The following CACNA2D2 variants were observed in gnomAD, a reference collection of about 807,000 sequenced individuals.
The protein encoded by CACNA2D2 is calcium voltage-gated channel auxiliary subunit alpha2delta 2, also known as voltage-dependent calcium channel subunit alpha-2/delta-2.
Under a neutral mutation model 166.4 loss-of-function variants are expected in CACNA2D2, and 48 were observed. The observed-to-expected ratio is 0.29, with a 90% CI of 0.23 to 0.37. CACNA2D2 has a LOEUF of 0.37. Among genes scored for constraint, CACNA2D2 ranks in the 10% least tolerant of loss-of-function variants. CACNA2D2 has a pLI of 1.00. For missense variants in CACNA2D2, 1,122 were observed against 1,433.0 expected, an observed-to-expected ratio of 0.78 and a Z score of 3.50; for synonymous variants, 561 against 573.7, an observed-to-expected ratio of 0.98 and a Z score of 0.32.
chr3:50,447,197 G>A (rs940979555), intron 2 of CACNA2D2, among the ~76,000 whole-genome samples: 4 of 152,174 alleles, frequency 2.6e-5, no homozygotes, highest in Admixed American at 1.3e-4. Flanking sequence ...GACCCTCACC[G>A]GGAACTCACT....
chr3:50,434,432 G>A lies in CACNA2D2; in HGVS notation c.289-3C>T. ...AGGTTCCGGTTGTCCTTGTAAATCT[G>A]GAAGGAAGCAGAAGCCAGGGGTGAG... On this transcript the variant is annotated splice_region_variant and splice_polypyrimidine_tract_variant and intron_variant, in intron 2 of 37. Transcript: ENST00000424201. The A allele has an allele frequency of 6.2e-7, 1 of 1,611,964 alleles. No homozygotes were observed. Among genetic ancestry groups the A allele is most frequent in the Non-Finnish European group, 8.5e-7 (1 of 1,177,994 alleles).
At chr3:50,481,640 C>G (rs2107117783) in intron 1 of CACNA2D2, among the ~76,000 whole-genome samples, 1 of 152,304 alleles carries the variant, frequency 6.6e-6, no homozygotes, top group East Asian at 1.9e-4. Context: ...CCCCACGTCT[C>G]TTGCTTCTCT....
At chr3:50,413,188 G>C (rs1285167361) in intron 3 of CACNA2D2, among the ~76,000 whole-genome samples, 1 of 152,060 alleles carries the variant, frequency 6.6e-6, no homozygotes, top group African/African-American at 2.4e-5. Flanking sequence ...GGGGGTGGTG[G>C]TGGAGCATGA....
chr3:50,367,403 G>A lies in CACNA2D2; in HGVS notation c.2392C>T (p.His798Tyr). 1.2e-6 allele frequency: 2 copies of A among 1,613,712 alleles called. No individual in the cohort carries two copies. Among genetic ancestry groups the A allele is most frequent in the Non-Finnish European group, 8.5e-7 (1 of 1,179,910 alleles). ...DNHGYVFKPP[H>Y]QDALLRPLEL... ...CTGCGGGGACACTCACCATCCTGGT[G>A]TGGGGGCTTGAAGACATAACCGTGG... is the stretch of plus-strand genomic sequence containing the variant. The change falls in exon 27 of 38, where the codon CAC becomes TAC. Residue 798 changes from histidine (H) to tyrosine (Y), a missense_variant. This residue lies in a region of CACNA2D2 where 840 missense variants were observed against 1,166.8 expected (regional missense o/e 0.72). Coordinates refer to ENST00000424201, the MANE Select transcript of CACNA2D2 (RefSeq NM_006030.4). This position sits in a 1 kb window ranked among gnomAD's most constrained non-coding sequence, Gnocchi z 6.5.
At chr3:50,396,653 C>G (rs568246503) in intron 3 of CACNA2D2, among the ~76,000 whole-genome samples, 1 of 152,158 alleles carries the variant, frequency 6.6e-6, no homozygotes, top group African/African-American at 2.4e-5. Flanking sequence ...CAGTGTTAGG[C>G]GAGCACCTGC....
At chr3:50,495,036 C>T (rs1007835714) in intron 1 of CACNA2D2, among the ~76,000 whole-genome samples, 3 of 152,194 alleles carry the variant, frequency 2.0e-5, no homozygotes, top group Non-Finnish European at 2.9e-5. Flanking sequence ...CATAGGGAGT[C>T]GCCCTCCCCG....
intron 2 of CACNA2D2, among the ~76,000 whole-genome samples, chr3:50,463,171 C>T (rs2107019594): frequency 6.6e-6 from 1 of 152,286 alleles, no homozygotes; most frequent in South Asian, 2.1e-4. Flanking sequence ...GGTCAGGGGT[C>T]CCACCCCAAC....
chr3:50,380,617 G>T lies in CACNA2D2; in HGVS notation c.842+131C>A. 2.7e-6 allele frequency: 2 copies of T among 731,954 alleles called. No individual in the cohort carries two copies. Among genetic ancestry groups the T allele is most frequent in the Non-Finnish European group, 4.4e-6 (2 of 459,066 alleles). The allele number at this position is 731,954 out of a possible 1,614,324, so 45.3% of individuals were successfully genotyped here. A position where few individuals can be genotyped will look rare whatever the true frequency, so the allele number is the denominator to read the frequency against. On this transcript the variant is annotated intron_variant, in intron 8 of 37. Coordinates refer to ENST00000424201, the MANE Select transcript of CACNA2D2 (RefSeq NM_006030.4). The surrounding 1 kb of genome is among the most constrained non-coding windows in gnomAD (Gnocchi z 4.9). ...GGATCCATTTTCCAGTGGCAACCAT[G>T]TGTGAAATGAAAATTGGATACAGCT...
chr3:50,478,081 A>T (rs1697876031), intron 1 of CACNA2D2, among the ~76,000 whole-genome samples: 1 of 151,564 alleles, frequency 6.6e-6, no homozygotes, highest in African/African-American at 2.4e-5. Context: ...CAAAAGAAAG[A>T]GGTATTAGCT....
rs746954450 is a variant in CACNA2D2, at chr3:50,366,179, G to A, written c.2710-16C>T. ...ACCTGCCCACCTGAGGATGTCAGGA[G>A]AAAGCCATGGTCACAGGGCTGGCAG... On this transcript the variant is annotated splice_polypyrimidine_tract_variant and intron_variant, in intron 31 of 37. Coordinates refer to ENST00000424201, the MANE Select transcript of CACNA2D2 (RefSeq NM_006030.4). This position sits in a 1 kb window ranked among gnomAD's most constrained non-coding sequence, Gnocchi z 5.9. 1.2e-5 allele frequency: 19 copies of A among 1,613,974 alleles called. No homozygotes were observed. Among genetic ancestry groups the A allele is most frequent in the Non-Finnish European group, 1.5e-5 (18 of 1,179,958 alleles).
rs1705219967 is a variant in CACNA2D2 at position 50,380,022 on chromosome 3, C to T, written c.843-4G>A. ...TGACGAGGCCCCCTGGATATACCTG[C>T]CCAGGAGATGCCTCTGTTAGGGTAA... On this transcript the variant is annotated splice_region_variant and splice_polypyrimidine_tract_variant and intron_variant, in intron 8 of 37. Coordinates refer to ENST00000424201, the MANE Select transcript of CACNA2D2 (RefSeq NM_006030.4). This position sits in a 1 kb window ranked among gnomAD's most constrained non-coding sequence, Gnocchi z 4.9. 6.2e-7 allele frequency: 1 copy of T among 1,614,010 alleles called. No homozygotes were observed. The highest frequency in any genetic ancestry group is 2.2e-5 in the East Asian group (1 of 44,884).
Position 50,473,851 on chromosome 3 carries a change from G to A in CACNA2D2, c.288+2267C>T, listed in dbSNP as rs747217534. 1.1e-3 allele frequency among the ~76,000 whole-genome samples: 160 copies of A among 152,216 alleles called. 1 individual carries two copies. Among genetic ancestry groups the A allele is most frequent in the Non-Finnish European group, 1.8e-3 (122 of 68,048 alleles). On this transcript the variant is annotated intron_variant, in intron 2 of 37. Coordinates refer to ENST00000424201, the MANE Select transcript of CACNA2D2 (RefSeq NM_006030.4). The stretch of plus-strand genomic sequence containing the variant: ...ACAGCCCCAGAGCTGTTGGCAGGAA[G>A]TAAGAGGCTGAAGAAGCAGAGGAGG...
intron 3 of CACNA2D2, among the ~76,000 whole-genome samples, chr3:50,403,006 C>T (rs1337043851): frequency 6.6e-6 from 1 of 152,010 alleles, no homozygotes; most frequent in Non-Finnish European, 1.5e-5. Flanking sequence ...TGTGTGGGCA[C>T]GGGGGTGGTC....
chr3:50,451,070 C>A (rs1017306657), intron 2 of CACNA2D2, among the ~76,000 whole-genome samples: 37 of 152,304 alleles, frequency 2.4e-4, no homozygotes, highest in African/African-American at 8.9e-4. Context: ...GCCCTTAGTG[C>A]CCCCTCCATG....
At chr3:50,449,481 C>T (rs1042308273) in intron 2 of CACNA2D2, among the ~76,000 whole-genome samples, 2 of 152,154 alleles carry the variant, frequency 1.3e-5, no homozygotes, top group African/African-American at 2.4e-5. Context: ...TCCATGGCTG[C>T]GCAGCCCTGC....
intron 1 of CACNA2D2, among the ~76,000 whole-genome samples, chr3:50,484,688 C>T (rs72938724): frequency 0.031 from 4,720 of 152,344 alleles, 234 homozygotes; most frequent in African/African-American, 0.11. Flanking sequence ...CTGATCTCCA[C>T]GTCCCCTCCT....
Position 50,377,599 on chromosome 3 carries a change from T to TCC in CACNA2D2, c.1552-60_1552-59dup. ...AGCTCAATTCCATGGGGAACCACCC[T>TCC]CCACAAGGCCTCAAGCTGCTCTCAC... On this transcript the variant is annotated intron_variant, in intron 16 of 37. Transcript: ENST00000424201. The TCC allele has an allele frequency of 2.5e-6, 4 of 1,583,316 alleles. No homozygotes were observed. In the South Asian group the frequency reaches 4.4e-5, roughly 18 times the overall value.
At chr3:50,486,228 G>T (rs1212005828) in intron 1 of CACNA2D2, among the ~76,000 whole-genome samples, 1 of 152,198 alleles carries the variant, frequency 6.6e-6, no homozygotes, top group Non-Finnish European at 1.5e-5. Context: ...CACCTGTGGA[G>T]GTCACCAAAT....
chr3:50,449,845 T>G (rs1177521229), intron 2 of CACNA2D2, among the ~76,000 whole-genome samples: 2 of 152,018 alleles, frequency 1.3e-5, no homozygotes, highest in Non-Finnish European at 2.9e-5. Flanking sequence ...AGGGACTGAG[T>G]AGGTGGGAGA....
Sources: allele counts gnomAD v4.1 joint callset (sites outside exome capture counted in the v4.1 genomes callset), GRCh38; gene constraint gnomAD v4.1.1; regional missense constraint gnomAD v4.1.1; non-coding constraint Gnocchi (gnomAD v3.1); transcripts MANE v1.5; gene names NCBI Gene and HGNC (gene_info 2026-07-23, HGNC 2026-07-21).